Variants in PSTPIP2 observed in about 807,000 individuals in gnomAD.
The protein encoded by PSTPIP2 is proline-serine-threonine phosphatase interacting protein 2.
Under a neutral mutation model 63.3 loss-of-function variants are expected in PSTPIP2, and 33 were observed. The observed-to-expected ratio is 0.52, with a 90% CI of 0.40 to 0.70. PSTPIP2 has a LOEUF of 0.70. Among genes scored for constraint, PSTPIP2 ranks in the 30% least tolerant of loss-of-function variants. The pLI is 0.00. For missense variants in PSTPIP2, 312 were observed against 400.7 expected (o/e 0.78, Z 1.89); for synonymous variants, 125 against 132.7 (o/e 0.94, Z 0.40).
intron 3 of PSTPIP2, among the ~76,000 whole-genome samples, chr18:46,021,284 C>A (rs68061103): frequency 0.21 from 31,640 of 151,896 alleles, 4,122 homozygotes; most frequent in East Asian, 0.41. Flanking sequence ...TACATAATCA[C>A]ACAGAGCAAA....
intron 1 of PSTPIP2, chr18:46,041,173 C>A: frequency 2.4e-6 from 1 of 414,078 alleles, no homozygotes; most frequent in South Asian, 1.7e-5. Context: ...TGTCTGTCCA[C>A]TGGGAAGCAT....
chr18:46,000,782 A>C (rs1362795942), intron 6 of PSTPIP2, among the ~76,000 whole-genome samples: 5 of 152,262 alleles, frequency 3.3e-5, no homozygotes, highest in Non-Finnish European at 7.3e-5. Flanking sequence ...AACTATAATC[A>C]TTAGTGAATC....
intron 9 of PSTPIP2, among the ~76,000 whole-genome samples, chr18:45,995,050 GTTTGTTTTGT>G (rs894438516): frequency 1.3e-5 from 2 of 149,080 alleles, no homozygotes; most frequent in Non-Finnish European, 3.0e-5. Flanking sequence ...CCTATGCAGG[GTTTGTTTTGT>G]TTTGTTTTGT....
chr18:46,064,061 G>T (rs1909084565), intron 1 of PSTPIP2, among the ~76,000 whole-genome samples: 1 of 152,124 alleles, frequency 6.6e-6, no homozygotes, highest in African/African-American at 2.4e-5. Context: ...ACAGGAGTGT[G>T]GGTCCTCACC....
At chr18:46,039,067 T>C (rs1257334995) in intron 2 of PSTPIP2, among the ~76,000 whole-genome samples, 2 of 152,178 alleles carry the variant, frequency 1.3e-5, no homozygotes, top group Non-Finnish European at 2.9e-5. Context: ...GATGTCTGTA[T>C]CTCTGGGTTC....
chr18:45,991,602 G>T (rs1257261155), intron 12 of PSTPIP2, among the ~76,000 whole-genome samples: 1 of 152,026 alleles, frequency 6.6e-6, no homozygotes, highest in Non-Finnish European at 1.5e-5. Flanking sequence ...AACTCTCAGG[G>T]GCCATAGTTT....
rs146430919 is a variant in PSTPIP2, at chr18:46,038,545, C to A, written c.134+1402G>T. ...CTGCAATCTCTAGATCCTTCATGCT[C>A]ATGAAACTCTTTGTCCTAGCACTGT... On this transcript the variant is annotated intron_variant, in intron 2 of 14. Transcript: ENST00000409746. Among the ~76,000 whole-genome samples, 8 of 152,342 alleles carry A rather than the reference C, an allele frequency of 5.3e-5. No individual in the cohort carries two copies. The East Asian group carries it at 1.5e-3, about 29-fold the overall frequency.
At position 46,024,602 on chromosome 18, in the gene PSTPIP2, T is replaced by A. The variant is rs772014344; in HGVS notation, c.212+7A>T. On this transcript the variant is annotated splice_region_variant and intron_variant, in intron 3 of 14. Transcript: ENST00000409746. ...ACCTGGAAACCAGAAAAAAACTTGA[T>A]ACATACTTGATTTCAGACTGTCCAC... The A allele has an allele frequency of 1.2e-6, 2 of 1,612,102 alleles. No homozygotes were observed. Among genetic ancestry groups the A allele is most frequent in the East Asian group, 4.5e-5 (2 of 44,878 alleles).
chr18:46,014,403 G>A (rs184442481), intron 4 of PSTPIP2, among the ~76,000 whole-genome samples: 3 of 152,240 alleles, frequency 2.0e-5, no homozygotes, highest in Admixed American at 2.0e-4. Flanking sequence ...GAAGAAACAG[G>A]ATGTGGTTCT....
At chr18:46,032,086 C>G (rs1907805436) in intron 2 of PSTPIP2, among the ~76,000 whole-genome samples, 1 of 152,176 alleles carries the variant, frequency 6.6e-6, no homozygotes, top group South Asian at 2.1e-4. Context: ...AACTAGATCA[C>G]CCTCCTACTA....
chr18:46,049,340 G>GA (rs1235289221), intron 1 of PSTPIP2, among the ~76,000 whole-genome samples: 5 of 151,668 alleles, frequency 3.3e-5, no homozygotes, highest in Non-Finnish European at 7.4e-5. Flanking sequence ...GAGATGATCA[G>GA]AAAAAATGAC....
At chr18:46,051,998 C>T (rs1490603232) in intron 1 of PSTPIP2, among the ~76,000 whole-genome samples, 2 of 152,230 alleles carry the variant, frequency 1.3e-5, no homozygotes, top group Admixed American at 1.3e-4. Context: ...CCTGAGAACC[C>T]CTGGGCATGC....
rs1366745569 is a variant in PSTPIP2, at chr18:46,024,661, T to G, written c.160A>C (p.Lys54Gln). Reference protein sequence around the residue: ...ERAAIEERYGKDLLNLSRKKP... With the variant: ...ERAAIEERYGQDLLNLSRKKP... ...TTCCTAGAGAGGTTGAGCAGATCTT[T>G]GCCATACCTCTCTTCAATTGCTGCC... is the stretch of plus-strand genomic sequence containing the variant. Residue 54 changes from lysine (K) to glutamine (Q), a missense_variant, in exon 3 of 15, where the codon AAA becomes CAA. Coordinates refer to ENST00000409746, the MANE Select transcript of PSTPIP2 (RefSeq NM_024430.4). 1 of 1,614,100 alleles carries G rather than the reference T, an allele frequency of 6.2e-7. No individual in the cohort carries two copies. Among genetic ancestry groups the G allele is most frequent in the South Asian group, 1.1e-5 (1 of 91,080 alleles).
intron 2 of PSTPIP2, 140 bp downstream of exon 2, chr18:46,039,807 C>G: frequency 1.4e-6 from 1 of 714,398 alleles, no homozygotes; most frequent in Non-Finnish European, 2.4e-6. Context: ...TCATGTACTT[C>G]TCAGGTATCA....
chr18:46,064,282 C>CTTTTTTTTTTTTTTTTTTT (rs56236802), intron 1 of PSTPIP2, among the ~76,000 whole-genome samples: 3 of 71,526 alleles, frequency 4.2e-5, no homozygotes, highest in African/African-American at 1.3e-4. Flanking sequence ...CTTTTTCTTT[C>CTTTTTTTTTTTTTTTTTTT]TTTTTTTTTT....
At chr18:45,989,795 T>C (rs2051505842) in intron 13 of PSTPIP2, 1 of 152,202 alleles carries the variant, frequency 6.6e-6, no homozygotes, top group Admixed American at 6.6e-5. Context: ...CTATCAGAAA[T>C]GATCATCCTC....
At chr18:46,008,090 T>C (rs1257725420) in intron 5 of PSTPIP2, among the ~76,000 whole-genome samples, 1 of 152,168 alleles carries the variant, frequency 6.6e-6, no homozygotes, top group African/African-American at 2.4e-5. Flanking sequence ...ACTCAGACTT[T>C]CTGCTCAGAC....
At chr18:45,986,185 A>C (rs530027134) in intron 14 of PSTPIP2, among the ~76,000 whole-genome samples, 3 of 152,324 alleles carry the variant, frequency 2.0e-5, no homozygotes, top group East Asian at 3.9e-4. Context: ...AAATTTTCTG[A>C]AATTCAGTAT....
At chr18:46,053,732 A>G (rs977816121) in intron 1 of PSTPIP2, among the ~76,000 whole-genome samples, 21 of 152,240 alleles carry the variant, frequency 1.4e-4, no homozygotes, top group Non-Finnish European at 2.9e-4. Flanking sequence ...AGATCCTTCA[A>G]TAGGTGAGTG....
Sources: allele counts gnomAD v4.1 joint callset (sites outside exome capture counted in the v4.1 genomes callset), GRCh38; gene constraint gnomAD v4.1.1; transcripts MANE v1.5; gene names NCBI Gene and HGNC (gene_info 2026-07-23, HGNC 2026-07-21).